The following CDH4 variants were observed in gnomAD, a reference collection of about 807,000 sequenced individuals.
The protein encoded by CDH4 is cadherin-4.
In CDH4, 33 loss-of-function variants were observed where a neutral mutation model predicts 86.0. That is an observed-to-expected ratio of 0.38 (90% CI 0.29 to 0.51). The LOEUF (loss-of-function observed/expected upper bound fraction) is 0.51. Among genes scored for constraint, CDH4 ranks in the 20% least tolerant of loss-of-function variants. The pLI is 0.86. For missense variants in CDH4, 1,114 were observed against 1,307.4 expected, an observed-to-expected ratio of 0.85 and a Z score of 2.28; for synonymous variants, 555 against 549.4, an observed-to-expected ratio of 1.01 and a Z score of -0.14.
chr20:61,654,668 T>G (rs2145821883), intron 2 of CDH4, among the ~76,000 whole-genome samples: 1 of 152,334 alleles, frequency 6.6e-6, no homozygotes, highest in East Asian at 1.9e-4. Context: ...CCTAAAAATG[T>G]TTACAAAGGA....
At chr20:61,697,619 A>G (rs968208925) in intron 2 of CDH4, among the ~76,000 whole-genome samples, 1 of 152,194 alleles carries the variant, frequency 6.6e-6, no homozygotes, top group Non-Finnish European at 1.5e-5. Flanking sequence ...AACAAAAAAA[A>G]GGAAATCCCT....
rs2084843886 is a variant in CDH4, at chr20:61,372,061, CT to C, written c.169+117128del. ...TTTGCTTCTGTGTTTGGATTCCATA[CT>C]TTTGCTCCACATTTGTCACCCAGGT... is the stretch of plus-strand genomic sequence containing the variant. On this transcript the variant is annotated intron_variant, in intron 2 of 15. Transcript: ENST00000614565. Among the ~76,000 whole-genome samples the C allele has an allele frequency of 2.0e-5, 3 of 152,332 alleles. No homozygotes were observed. The South Asian group carries it at 6.2e-4, about 32-fold the overall frequency.
intron 4 of CDH4, among the ~76,000 whole-genome samples, chr20:61,834,480 G>A (rs1370998489): frequency 1.5e-4 from 23 of 152,234 alleles, no homozygotes; most frequent in Admixed American, 1.4e-3. Context: ...ATCCCCAGCA[G>A]TGTGGCACAT....
intron 8 of CDH4, among the ~76,000 whole-genome samples, chr20:61,899,393 A>G (rs1568875247): frequency 6.6e-6 from 1 of 152,144 alleles, no homozygotes; most frequent in East Asian, 1.9e-4. Context: ...TGAATGATCT[A>G]TTCCCCGTCC....
intron 4 of CDH4, among the ~76,000 whole-genome samples, chr20:61,830,187 C>A (rs1202890307): frequency 1.3e-5 from 2 of 151,450 alleles, no homozygotes; most frequent in East Asian, 3.9e-4. Context: ...TTGAGCATGC[C>A]TCCTGTTCTC....
intron 2 of CDH4, among the ~76,000 whole-genome samples, chr20:61,449,185 C>T (rs774941241): frequency 1.4e-4 from 22 of 152,180 alleles, no homozygotes; most frequent in African/African-American, 5.1e-4. Context: ...GCCACATTAG[C>T]GTTTTAACCC....
At chr20:61,487,437 G>T (rs543156449) in intron 2 of CDH4, among the ~76,000 whole-genome samples, 2 of 152,200 alleles carry the variant, frequency 1.3e-5, no homozygotes, top group East Asian at 3.9e-4. Context: ...TTTATTTATT[G>T]GTTCTCATAA....
intron 2 of CDH4, among the ~76,000 whole-genome samples, chr20:61,725,718 A>G (rs1375699340): frequency 6.6e-6 from 1 of 150,770 alleles, no homozygotes; most frequent in Non-Finnish European, 1.5e-5. Flanking sequence ...GGGCTTTCCC[A>G]TCTGCAGAGA....
intron 4 of CDH4, among the ~76,000 whole-genome samples, chr20:61,818,978 C>A (rs1420836027): frequency 6.6e-6 from 1 of 152,234 alleles, no homozygotes; most frequent in Non-Finnish European, 1.5e-5. Context: ...TTAGGGTGAG[C>A]CCTTGGAACT....
At position 61,561,484 on chromosome 20, in the gene CDH4, G is replaced by T. The variant is rs533268327; in HGVS notation, c.170-182079G>T. ...TCCCTCTTCCCGTCTCCTCCAAGTG[G>T]CCTGCGTGTGTCCAATGTACTTAGA... is the stretch of plus-strand genomic sequence containing the variant. On this transcript the variant is annotated intron_variant, in intron 2 of 15. Transcript: ENST00000614565. 2.0e-5 allele frequency among the ~76,000 whole-genome samples: 3 copies of T among 152,366 alleles called. No individual in the cohort carries two copies. In the East Asian group the frequency reaches 5.8e-4, roughly 29 times the overall value.
rs2427162 is a variant in CDH4 at position 61,517,516 on chromosome 20, G to T, written c.170-226047G>T. ...GGCCTATAGACTTTTGTGTCTGGCG[G>T]CTTTTAAGAGTCAGACTTGTTTATA... On this transcript the variant is annotated intron_variant, in intron 2 of 15. Coordinates refer to ENST00000614565, the MANE Select transcript of CDH4 (RefSeq NM_001794.5). The surrounding 1 kb of genome is among the most constrained non-coding windows in gnomAD (Gnocchi z 6.6). Among the ~76,000 whole-genome samples the T allele has an allele frequency of 0.52, 78,889 of 151,666 alleles. 21,579 individuals are homozygous for T. Among genetic ancestry groups the T allele is most frequent in the African/African-American group, 0.7 (28,792 of 41,324 alleles).
chr20:61,403,601 CT>C (rs2085062442), intron 2 of CDH4, among the ~76,000 whole-genome samples: 1 of 152,160 alleles, frequency 6.6e-6, no homozygotes, highest in Non-Finnish European at 1.5e-5. Context: ...TAGGACGGGA[CT>C]TTTTCCCTGA....
At chr20:61,808,879 A>AT (rs1200453240) in intron 4 of CDH4, among the ~76,000 whole-genome samples, 1 of 151,776 alleles carries the variant, frequency 6.6e-6, no homozygotes, top group Admixed American at 6.6e-5. Context: ...ACAGACGTTG[A>AT]TTTTCGAGGA....
At chr20:61,559,195 C>T (rs2145684172) in intron 2 of CDH4, among the ~76,000 whole-genome samples, 1 of 152,228 alleles carries the variant, frequency 6.6e-6, no homozygotes, top group South Asian at 2.1e-4. Context: ...GCTTATGCTT[C>T]TAATCTCAGC....
intron 7 of CDH4, among the ~76,000 whole-genome samples, chr20:61,876,664 C>CCATA (rs945938986): frequency 6.6e-6 from 1 of 152,090 alleles, no homozygotes; most frequent in Non-Finnish European, 1.5e-5. Flanking sequence ...CTAAAGGGGA[C>CCATA]CATAGGCCAC....
intron 2 of CDH4, among the ~76,000 whole-genome samples, chr20:61,662,898 A>G (rs1415341220): frequency 1.3e-5 from 2 of 152,116 alleles, no homozygotes; most frequent in African/African-American, 4.8e-5. Flanking sequence ...GGATCGGGAC[A>G]CAGGTCCAGC....
Position 61,753,008 on chromosome 20 carries a change from A to G in CDH4, c.396+9219A>G, listed in dbSNP as rs557682856. Among the ~76,000 whole-genome samples the G allele has an allele frequency of 7.9e-5, 12 of 152,222 alleles. No individual in the cohort carries two copies. In the South Asian group the frequency reaches 1.2e-3, roughly 16 times the overall value. On this transcript the variant is annotated intron_variant, in intron 3 of 15. Transcript: ENST00000614565. ...TTGTACTTATAGTCTATTACTCACAATTTAATTTTTTTAAACAAATGCATG... is the reference window on the plus strand; with the variant it reads ...TTGTACTTATAGTCTATTACTCACAGTTTAATTTTTTTAAACAAATGCATG...
rs1314199700 is a variant in CDH4 at position 61,393,738 on chromosome 20, G to A, written c.169+138801G>A. Among the ~76,000 whole-genome samples the A allele has an allele frequency of 6.6e-6, 1 of 152,050 alleles. No individual in the cohort carries two copies. The highest frequency in any genetic ancestry group is 1.5e-5 in the Non-Finnish European group (1 of 68,018). On this transcript the variant is annotated intron_variant, in intron 2 of 15. Coordinates refer to ENST00000614565, the MANE Select transcript of CDH4 (RefSeq NM_001794.5). This position sits in a 1 kb window ranked among gnomAD's most constrained non-coding sequence, Gnocchi z 4.3. ...GTCAGGACAAGATATGTAGCTGGCA[G>A]GGTTCTCATGAGGATTACACGAGTC...
At chr20:61,514,746 C>T (rs2085806124) in intron 2 of CDH4, among the ~76,000 whole-genome samples, 1 of 152,194 alleles carries the variant, frequency 6.6e-6, no homozygotes, top group Non-Finnish European at 1.5e-5. Context: ...TGAATTGAGA[C>T]CAATAGATTT....
Sources: gnomAD v4.1 joint callset for allele counts (sites outside exome capture counted in the v4.1 genomes callset) on GRCh38, gnomAD v4.1.1 for gene constraint, Gnocchi (gnomAD v3.1) non-coding constraint, MANE v1.5 for transcripts, NCBI Gene and HGNC (gene_info 2026-07-23, HGNC 2026-07-21) for gene names.